C16orf87: variants seen among roughly 807,000 people sequenced by gnomAD.
The protein encoded by C16orf87 is UPF0547 protein C16orf87.
Under a neutral mutation model 21.0 loss-of-function variants are expected in C16orf87, and 13 were observed. The observed-to-expected ratio is 0.62, with a 90% CI of 0.40 to 0.98. The LOEUF (loss-of-function observed/expected upper bound fraction) is 0.98, where lower values mean the gene tolerates loss of function less well. C16orf87 is among the 50% of genes least tolerant of loss of function. C16orf87 has a pLI of 0.00. For synonymous variants in C16orf87, 49 were observed against 60.2 expected, an observed-to-expected ratio of 0.81 and a Z score of 0.86; for missense variants, 113 against 180.4, an observed-to-expected ratio of 0.63 and a Z score of 2.14.
intron 2 of C16orf87, among the ~76,000 whole-genome samples, chr16:46,819,970 C>T (rs1472211390): frequency 2.0e-5 from 3 of 151,378 alleles, no homozygotes; most frequent in Middle Eastern, 6.8e-3. Flanking sequence ...GAAACAAGAG[C>T]GAGACTCCAT....
chr16:46,801,693 T>C lies in C16orf87; in HGVS notation c.*1259A>G, dbSNP rs1967783485. Reference sequence around the variant, plus strand: ...AGTAGGAAAAAATGTTGACCTTTTTTCTTTGAGGAGGTGATGGGAGATGCA... The same window carrying C: ...AGTAGGAAAAAATGTTGACCTTTTTCCTTTGAGGAGGTGATGGGAGATGCA... On this transcript the variant is annotated 3_prime_UTR_variant, in exon 4 of 4. Coordinates refer to ENST00000285697, the MANE Select transcript of C16orf87 (RefSeq NM_001001436.4). 1 of 152,154 alleles carries C rather than the reference T, an allele frequency of 6.6e-6. No individual in the cohort carries two copies. The highest frequency in any genetic ancestry group is 2.4e-5 in the African/African-American group (1 of 41,424). 9.4% of individuals were successfully genotyped at this position (152,154 alleles called of 1,614,324 possible).
chr16:46,802,322 C>A lies in C16orf87; in HGVS notation c.*630G>T, dbSNP rs1967801258. Reference sequence around the variant, plus strand: ...ATTAAATGTTTTTCTTCATATAGCACCCAAACTTCAAACTGTCTAGAAAGT... The same window carrying A: ...ATTAAATGTTTTTCTTCATATAGCAACCAAACTTCAAACTGTCTAGAAAGT... On this transcript the variant is annotated 3_prime_UTR_variant, in exon 4 of 4. Coordinates refer to ENST00000285697, the MANE Select transcript of C16orf87 (RefSeq NM_001001436.4). 6.6e-6 allele frequency: 1 copy of A among 151,508 alleles called. No homozygotes were observed. The highest frequency in any genetic ancestry group is 1.5e-5 in the Non-Finnish European group (1 of 67,850). 9.4% of individuals were successfully genotyped at this position (151,508 alleles called of 1,614,324 possible).
chr16:46,809,808 T>C (rs989400749), intron 2 of C16orf87, 23 bp from the exon 3 acceptor site: 2 of 1,526,780 alleles, frequency 1.3e-6, no homozygotes, highest in Non-Finnish European at 1.8e-6. Flanking sequence ...ATAAAAGTGA[T>C]ATATTTTAGG....
chr16:46,826,466 G>T (rs1231134652), intron 1 of C16orf87, among the ~76,000 whole-genome samples: 1 of 152,222 alleles, frequency 6.6e-6, no homozygotes, highest in African/African-American at 2.4e-5. Context: ...AATGCCTCAT[G>T]TTATAGAATC....
At chr16:46,808,008 T>C (rs1008864148) in intron 3 of C16orf87, 1 of 455,914 alleles carries the variant, frequency 2.2e-6, no homozygotes. Flanking sequence ...ATTCCCTCTA[T>C]TTCAACTGAA....
intron 2 of C16orf87, among the ~76,000 whole-genome samples, chr16:46,817,584 A>T (rs889834463): frequency 6.6e-6 from 1 of 152,094 alleles, no homozygotes; most frequent in African/African-American, 2.4e-5. Context: ...ACTACTAGGG[A>T]GGCTGAGGCA....
intron 2 of C16orf87, among the ~76,000 whole-genome samples, chr16:46,816,865 T>C (rs1219496750): frequency 6.6e-6 from 1 of 152,202 alleles, no homozygotes; most frequent in African/African-American, 2.4e-5. Context: ...CCTTTGTCTC[T>C]CTGCTCTTCC....
chr16:46,817,916 C>CAAAAAAAAAAAAA (rs1056745014), intron 2 of C16orf87, among the ~76,000 whole-genome samples: 22 of 68,218 alleles, frequency 3.2e-4, no homozygotes, highest in Admixed American at 8.4e-4. Flanking sequence ...CATCAAAAAG[C>CAAAAAAAAAAAAA]AAAAAAAAAA....
chr16:46,812,213 C>T (rs1048854633), intron 2 of C16orf87, among the ~76,000 whole-genome samples: 3 of 152,060 alleles, frequency 2.0e-5, no homozygotes, highest in Non-Finnish European at 4.4e-5. Flanking sequence ...CACTGCACTC[C>T]AGCCTGGGTG....
intron 1 of C16orf87, among the ~76,000 whole-genome samples, chr16:46,825,654 GT>G (rs1959586629): frequency 6.6e-6 from 1 of 152,130 alleles, no homozygotes; most frequent in African/African-American, 2.4e-5. Flanking sequence ...GCTCACACCT[GT>G]AATCCCAGCA....
intron 2 of C16orf87, among the ~76,000 whole-genome samples, chr16:46,823,540 T>G (rs1054153535): frequency 6.6e-6 from 1 of 152,240 alleles, no homozygotes; most frequent in Non-Finnish European, 1.5e-5. Flanking sequence ...AAAATCATTA[T>G]TTGGATATCC....
intron 1 of C16orf87, among the ~76,000 whole-genome samples, chr16:46,824,783 A>T (rs1351568801): frequency 6.6e-6 from 1 of 151,102 alleles, no homozygotes; most frequent in African/African-American, 2.4e-5. Flanking sequence ...CTTCTGCCTC[A>T]GCCTCCCAAG....
intron 2 of C16orf87, among the ~76,000 whole-genome samples, chr16:46,814,464 G>A (rs1968183344): frequency 1.3e-5 from 2 of 152,188 alleles, no homozygotes; most frequent in Admixed American, 1.3e-4. Context: ...TCACAGGAAT[G>A]AAATACTGTA....
At chr16:46,824,959 C>T (rs1235242213) in intron 1 of C16orf87, among the ~76,000 whole-genome samples, 4 of 152,184 alleles carry the variant, frequency 2.6e-5, no homozygotes, top group South Asian at 4.2e-4. Flanking sequence ...CCACCACACC[C>T]GGCCTGATAC....
chr16:46,815,076 C>T (rs958155319), intron 2 of C16orf87, among the ~76,000 whole-genome samples: 18 of 152,106 alleles, frequency 1.2e-4, no homozygotes, highest in African/African-American at 4.1e-4. Context: ...CACACACATA[C>T]AGTCAAAGGA....
chr16:46,809,584 C>G lies in C16orf87; in HGVS notation c.346+19G>C. 6.4e-7 allele frequency: 1 copy of G among 1,551,010 alleles called. No homozygotes were observed. Among genetic ancestry groups the G allele is most frequent in the Non-Finnish European group, 8.8e-7 (1 of 1,140,230 alleles). On this transcript the variant is annotated intron_variant, in intron 3 of 3. Coordinates refer to ENST00000285697, the MANE Select transcript of C16orf87 (RefSeq NM_001001436.4). ...ATCAATTTAATACTTGAAAAAAAAACTGCTTGATTTGTTCATACCTCTTTC... is the reference window on the plus strand; with the variant it reads ...ATCAATTTAATACTTGAAAAAAAAAGTGCTTGATTTGTTCATACCTCTTTC...
chr16:46,830,264 C>CAGAGAGAGAGAGAGAG (rs1253533207), intron 1 of C16orf87, among the ~76,000 whole-genome samples: 20 of 41,200 alleles, frequency 4.9e-4, no homozygotes, highest in East Asian at 2.6e-3. Flanking sequence ...TAGAGAGAGA[C>CAGAGAGAGAGAGAGAG]AGACAGAGAG....
chr16:46,828,378 AT>A (rs774531708), intron 1 of C16orf87, among the ~76,000 whole-genome samples: 29 of 152,174 alleles, frequency 1.9e-4, no homozygotes, highest in Non-Finnish European at 3.7e-4. Flanking sequence ...AAGCTGCTCT[AT>A]TTTTTTTAAA....
chr16:46,822,705 T>C (rs1246766007), intron 2 of C16orf87, among the ~76,000 whole-genome samples: 3 of 152,196 alleles, frequency 2.0e-5, no homozygotes, highest in Admixed American at 6.5e-5. Context: ...TCTAACTCAG[T>C]ATTCTTAGTT....
Sources: allele counts gnomAD v4.1 joint callset (sites outside exome capture counted in the v4.1 genomes callset), GRCh38; gene constraint gnomAD v4.1.1; transcripts MANE v1.5; gene names NCBI Gene and HGNC (gene_info 2026-07-23, HGNC 2026-07-21).